Variants in DPYSL2 observed in about 807,000 individuals in gnomAD.
DPYSL2 encodes dihydropyrimidinase-related protein 2.
In DPYSL2, 13 loss-of-function variants were observed where a neutral mutation model predicts 69.9. That is an observed-to-expected ratio of 0.19 (90% CI 0.12 to 0.30). The LOEUF (loss-of-function observed/expected upper bound fraction) is 0.30, where lower values mean the gene tolerates loss of function less well. Among genes scored for constraint, DPYSL2 ranks in the 10% least tolerant of loss-of-function variants. DPYSL2 has a pLI of 1.00. For synonymous variants in DPYSL2, 326 were observed against 359.1 expected (o/e 0.91, Z 1.04); for missense variants, 587 against 918.9 (o/e 0.64, Z 4.67).
Position 26,622,090 on chromosome 8 carries a change from T to TTTCCTTCCTTCCTTCCTTCC in DPYSL2, c.629-2004_629-1985dup, listed in dbSNP as rs59707085. ...TTTCTTTTTTTTCTTTCTTTCTTTC[T>TTTCCTTCCTTCCTTCCTTCC]TTCCTTCCTTCCTTCCTTCCTTCCT... On this transcript the variant is annotated intron_variant, in intron 3 of 13. Transcript: ENST00000521913. 4.7e-4 allele frequency among the ~76,000 whole-genome samples: 30 copies of TTTCCTTCCTTCCTTCCTTCC among 64,442 alleles called. 1 individual carries two copies. Among genetic ancestry groups the TTTCCTTCCTTCCTTCCTTCC allele is most frequent in the South Asian group, 1.2e-3 (2 of 1,714 alleles). The allele number at this position is 64,442 out of a possible 152,430, so 42.3% of individuals were successfully genotyped here. A position where few individuals can be genotyped will look rare whatever the true frequency, so the allele number is the denominator to read the frequency against.
intron 1 of DPYSL2, among the ~76,000 whole-genome samples, chr8:26,569,324 A>G (rs991541773): frequency 4.2e-5 from 6 of 142,838 alleles, no homozygotes; most frequent in Admixed American, 3.1e-4. Flanking sequence ...ACGGCACTCT[A>G]GCCTGGGTGA....
In DPYSL2 at chr8:26,520,927, G is replaced by A. The variant is rs560572676; in HGVS notation, c.354+6248G>A. On this transcript the variant is annotated intron_variant, in intron 1 of 13. Coordinates refer to ENST00000521913, the MANE Select transcript of DPYSL2 (RefSeq NM_001197293.3). ...GAGGTCTCTGGGGTCTCTTTTATAA[G>A]GTCACTATCCTGCTTATGAGGGCTC... Among the ~76,000 whole-genome samples, 38 of 152,146 alleles carry A rather than the reference G, an allele frequency of 2.5e-4. 1 individual carries two copies. In the South Asian group the frequency reaches 6.8e-3, roughly 27 times the overall value.
At chr8:26,524,670 C>A (rs528346223) in intron 1 of DPYSL2, among the ~76,000 whole-genome samples, 1 of 151,576 alleles carries the variant, frequency 6.6e-6, no homozygotes, top group South Asian at 2.1e-4. Context: ...TGTATGGTGG[C>A]GTGTGCCTGT....
chr8:26,562,480 C>A lies in DPYSL2; in HGVS notation c.355-19489C>A, dbSNP rs186244762. 2.0e-4 allele frequency among the ~76,000 whole-genome samples: 31 copies of A among 152,218 alleles called. No homozygotes were observed. The highest frequency in any genetic ancestry group is 7.5e-4 in the African/African-American group (31 of 41,528). Reference sequence around the variant, plus strand: ...TTCTTACTGGTTGCCTCTGTTTGACCCTTGCACCACCACACTACAGCTGGA... The same window carrying A: ...TTCTTACTGGTTGCCTCTGTTTGACACTTGCACCACCACACTACAGCTGGA... On this transcript the variant is annotated intron_variant, in intron 1 of 13. Coordinates refer to ENST00000521913, the MANE Select transcript of DPYSL2 (RefSeq NM_001197293.3). The surrounding 1 kb of genome is among the most constrained non-coding windows in gnomAD (Gnocchi z 4.9).
At chr8:26,600,846 C>T (rs185310444) in intron 3 of DPYSL2, among the ~76,000 whole-genome samples, 20 of 152,322 alleles carry the variant, frequency 1.3e-4, no homozygotes, top group East Asian at 7.7e-4. Flanking sequence ...CTGATCTCAC[C>T]GCATGGCTGA....
chr8:26,530,844 T>G (rs1800498774), intron 1 of DPYSL2, among the ~76,000 whole-genome samples: 1 of 152,074 alleles, frequency 6.6e-6, no homozygotes, highest in South Asian at 2.1e-4. Flanking sequence ...CTTTGCAAAG[T>G]GGGTATCATG....
chr8:26,554,591 C>T (rs930377821), intron 1 of DPYSL2, among the ~76,000 whole-genome samples: 1 of 152,000 alleles, frequency 6.6e-6, no homozygotes, highest in Non-Finnish European at 1.5e-5. Flanking sequence ...AATCTTTGCC[C>T]GTTCCTATGT....
rs571936009 is a variant in DPYSL2 at position 26,560,254 on chromosome 8, C to T, written c.355-21715C>T. 1.3e-5 allele frequency among the ~76,000 whole-genome samples: 2 copies of T among 152,198 alleles called. No individual in the cohort carries two copies. The highest frequency in any genetic ancestry group is 4.1e-4 in the South Asian group (2 of 4,836). ...ACTTTCACAAAACAGGGTATATTTC[C>T]ATTCTCCAGGTCAGGCCTTCCATGG... is the stretch of plus-strand genomic sequence containing the variant. On this transcript the variant is annotated intron_variant, in intron 1 of 13. Coordinates refer to ENST00000521913, the MANE Select transcript of DPYSL2 (RefSeq NM_001197293.3). This position sits in a 1 kb window ranked among gnomAD's most constrained non-coding sequence, Gnocchi z 4.4.
Position 26,516,634 on chromosome 8 carries a change from G to A in DPYSL2, c.354+1955G>A, listed in dbSNP as rs1054893419. Reference sequence around the variant, plus strand: ...AATTGTAAAACTAAGGCACGCAGAGGGGGAGATTTGAAGAGAAAATACTCA... The same window carrying A: ...AATTGTAAAACTAAGGCACGCAGAGAGGGAGATTTGAAGAGAAAATACTCA... On this transcript the variant is annotated intron_variant, in intron 1 of 13. Transcript: ENST00000521913. The surrounding 1 kb of genome is among the most constrained non-coding windows in gnomAD (Gnocchi z 4.8). Among the ~76,000 whole-genome samples the A allele has an allele frequency of 2.6e-5, 4 of 152,164 alleles. No individual in the cohort carries two copies. Among genetic ancestry groups the A allele is most frequent in the South Asian group, 2.1e-4 (1 of 4,826 alleles).
chr8:26,630,808 C>T (rs1802754800), intron 7 of DPYSL2, among the ~76,000 whole-genome samples: 2 of 152,184 alleles, frequency 1.3e-5, no homozygotes, highest in Non-Finnish European at 2.9e-5. Flanking sequence ...CAGGGTCCTG[C>T]CTGCTACCCC....
At chr8:26,579,060 G>C (rs11781865) in intron 1 of DPYSL2, among the ~76,000 whole-genome samples, 19,829 of 152,230 alleles carry the variant, frequency 0.13, 1,365 homozygotes, top group Middle Eastern at 0.17. Context: ...CTCAGGAGGC[G>C]TCCGTGTTGG....
chr8:26,614,212 A>C lies in DPYSL2; in HGVS notation c.629-9931A>C, dbSNP rs1448988089. 6.6e-6 allele frequency among the ~76,000 whole-genome samples: 1 copy of C among 152,214 alleles called. No individual in the cohort carries two copies. Among genetic ancestry groups the C allele is most frequent in the Non-Finnish European group, 1.5e-5 (1 of 68,034 alleles). ...CGGAAGATTCTTCTGAGACATGGGAAGTAAATTTGCAAGATTGCTGTCTGG... is the reference window on the plus strand; with the variant it reads ...CGGAAGATTCTTCTGAGACATGGGACGTAAATTTGCAAGATTGCTGTCTGG... On this transcript the variant is annotated intron_variant, in intron 3 of 13. Coordinates refer to ENST00000521913, the MANE Select transcript of DPYSL2 (RefSeq NM_001197293.3). This position sits in a 1 kb window ranked among gnomAD's most constrained non-coding sequence, Gnocchi z 4.9.
intron 3 of DPYSL2, among the ~76,000 whole-genome samples, chr8:26,618,648 G>T (rs1486704556): frequency 6.6e-6 from 1 of 151,526 alleles, no homozygotes; most frequent in Non-Finnish European, 1.5e-5. Context: ...ATGAGTAAAT[G>T]GAGGTTCCTG....
chr8:26,631,328 C>T (rs192746791), intron 7 of DPYSL2, among the ~76,000 whole-genome samples: 267 of 152,232 alleles, frequency 1.8e-3, no homozygotes, highest in Non-Finnish European at 2.9e-3. Context: ...AAGCAGGTTC[C>T]GTCTTATGTG....
chr8:26,635,183 T>C (rs1337416621), intron 8 of DPYSL2, among the ~76,000 whole-genome samples: 1 of 152,248 alleles, frequency 6.6e-6, no homozygotes, highest in Non-Finnish European at 1.5e-5. Context: ...GGACTTACTT[T>C]GATGTGGTTG....
intron 3 of DPYSL2, among the ~76,000 whole-genome samples, chr8:26,599,682 A>C (rs534829851): frequency 1.3e-5 from 2 of 151,856 alleles, no homozygotes; most frequent in East Asian, 3.9e-4. Flanking sequence ...CTACTACTGC[A>C]CTCCAGCATG....
rs1802481736 is a variant in DPYSL2, at chr8:26,621,515, A to G, written c.629-2628A>G. On this transcript the variant is annotated intron_variant, in intron 3 of 13. Transcript: ENST00000521913. The surrounding 1 kb of genome is among the most constrained non-coding windows in gnomAD (Gnocchi z 4.9). ...GAAGGAAATATTCCATCACTTATTT[A>G]GAGCATTCATTTGGCTCTTCCCTGA... Among the ~76,000 whole-genome samples the G allele has an allele frequency of 6.6e-6, 1 of 152,182 alleles. No homozygotes were observed. The highest frequency in any genetic ancestry group is 1.5e-5 in the Non-Finnish European group (1 of 68,038).
chr8:26,556,617 T>C (rs1171143690), intron 1 of DPYSL2, among the ~76,000 whole-genome samples: 3 of 151,480 alleles, frequency 2.0e-5, no homozygotes, highest in Non-Finnish European at 4.4e-5. Context: ...TCTAACAATA[T>C]GTATATATGT....
intron 11 of DPYSL2, among the ~76,000 whole-genome samples, chr8:26,649,936 C>T (rs1252817633): frequency 6.6e-6 from 1 of 152,058 alleles, no homozygotes; most frequent in Non-Finnish European, 1.5e-5. Flanking sequence ...CTGGTTCTTC[C>T]ATCTTTTAAA....
Sources: gnomAD v4.1 joint callset for allele counts (sites outside exome capture counted in the v4.1 genomes callset) on GRCh38, gnomAD v4.1.1 for gene constraint, Gnocchi (gnomAD v3.1) non-coding constraint, MANE v1.5 for transcripts, NCBI Gene and HGNC (gene_info 2026-07-23, HGNC 2026-07-21) for gene names.